Variants in PTPRD observed in about 807,000 individuals in gnomAD.
The protein encoded by PTPRD is protein tyrosine phosphatase receptor type D, also known as receptor-type tyrosine-protein phosphatase delta.
PTPRD carries 34 observed loss-of-function variants against 214.5 expected under a neutral mutation model. That is an observed-to-expected ratio of 0.16 (90% confidence interval 0.12 to 0.21). The LOEUF (loss-of-function observed/expected upper bound fraction) is 0.21, where lower values mean the gene tolerates loss of function less well. PTPRD is among the 10% of genes least tolerant of loss of function. The probability of loss-of-function intolerance (pLI) is 1.00; values close to 1 mark genes in which losing one functional copy is unlikely to be tolerated. For missense variants in PTPRD, 2,545 were observed against 2,398.7 expected (o/e 1.06, Z -1.27); for synonymous variants, 1,128 against 845.7 (o/e 1.33, Z -5.79).
intron 7 of PTPRD, among the ~76,000 whole-genome samples, chr9:9,707,944 C>A (rs1451239796): frequency 6.6e-6 from 1 of 151,870 alleles, no homozygotes; most frequent in African/African-American, 2.4e-5. Flanking sequence ...TAGACATATA[C>A]CTAGCAGTAA....
At chr9:8,530,721 G>T (rs2075468872) in intron 14 of PTPRD, among the ~76,000 whole-genome samples, 1 of 152,046 alleles carries the variant, frequency 6.6e-6, no homozygotes. Context: ...TGGTAGAGAG[G>T]CAACCAGTTA....
chr9:9,538,835 T>C (rs925218338), intron 8 of PTPRD, among the ~76,000 whole-genome samples: 6 of 151,922 alleles, frequency 3.9e-5, no homozygotes, highest in African/African-American at 1.2e-4. Context: ...TTCAAATTCA[T>C]ACTTTTGTTT....
intron 8 of PTPRD, among the ~76,000 whole-genome samples, chr9:9,399,720 T>C (rs906900571): frequency 3.3e-5 from 5 of 151,572 alleles, no homozygotes; most frequent in Non-Finnish European, 7.4e-5. Context: ...TAAAGGGGAG[T>C]TCCCCTGCAC....
At chr9:9,517,598 T>A (rs1229362168) in intron 8 of PTPRD, among the ~76,000 whole-genome samples, 1 of 152,104 alleles carries the variant, frequency 6.6e-6, no homozygotes, top group Non-Finnish European at 1.5e-5. Context: ...AACACTGGCA[T>A]GTGGCTTGAG....
chr9:10,467,015 C>A (rs912600984), intron 2 of PTPRD, among the ~76,000 whole-genome samples: 5 of 152,122 alleles, frequency 3.3e-5, no homozygotes, highest in African/African-American at 1.2e-4. Context: ...CCCCGGGAAC[C>A]ACATAGATGA....
chr9:8,625,334 A>G lies in PTPRD; in HGVS notation c.352+7983T>C, dbSNP rs75106454. Among the ~76,000 whole-genome samples, 1,213 of 151,964 alleles carry G rather than the reference A, an allele frequency of 8.0e-3. 22 individuals carry two copies. Among genetic ancestry groups the G allele is most frequent in the African/African-American group, 0.026 (1,073 of 41,500 alleles). On this transcript the variant is annotated intron_variant, in intron 14 of 45. Coordinates refer to ENST00000381196, the MANE Select transcript of PTPRD (RefSeq NM_002839.4). Reference sequence around the variant, plus strand: ...TTTTATGAGCACATACTTTTCTACTATACTTAATTTTCTAGTTGACCAGTA... The same window carrying G: ...TTTTATGAGCACATACTTTTCTACTGTACTTAATTTTCTAGTTGACCAGTA...
At chr9:9,327,611 T>A (rs1284806518) in intron 9 of PTPRD, among the ~76,000 whole-genome samples, 1 of 152,160 alleles carries the variant, frequency 6.6e-6, no homozygotes, top group Non-Finnish European at 1.5e-5. Context: ...ATTTTGTTTC[T>A]ATTGCAAGAG....
chr9:8,939,677 T>TAG (rs2099019397), intron 11 of PTPRD, among the ~76,000 whole-genome samples: 2 of 152,172 alleles, frequency 1.3e-5, no homozygotes, highest in Non-Finnish European at 2.9e-5. Context: ...TCTTTAACTA[T>TAG]TTCTTTCCTT....
At chr9:9,409,437 T>A (rs2074629572) in intron 8 of PTPRD, among the ~76,000 whole-genome samples, 1 of 152,008 alleles carries the variant, frequency 6.6e-6, no homozygotes, top group African/African-American at 2.4e-5. Flanking sequence ...GACATGGAAA[T>A]CATTTACCAC....
Position 8,470,877 on chromosome 9 carries a change from G to C in PTPRD, c.3504+118C>G, listed in dbSNP as rs924558940. 1.8e-5 allele frequency: 15 copies of C among 823,470 alleles called. No individual in the cohort carries two copies. Among genetic ancestry groups the C allele is most frequent in the African/African-American group, 3.4e-5 (2 of 59,194 alleles). 51.0% of individuals were successfully genotyped at this position (823,470 alleles called of 1,614,324 possible). A position where few individuals can be genotyped will look rare whatever the true frequency, so the allele number is the denominator to read the frequency against. ...CCCATAGCACTGAACCATCCAACCA[G>C]CTAGGTATGGAGAAGCCAGCACCCA... On this transcript the variant is annotated intron_variant, in intron 31 of 45. Transcript: ENST00000381196.
At chr9:8,520,433 T>C (rs771342914) in intron 20 of PTPRD, among the ~76,000 whole-genome samples, 7 of 152,122 alleles carry the variant, frequency 4.6e-5, no homozygotes, top group African/African-American at 9.7e-5. Flanking sequence ...TTTTCAAGAG[T>C]AGCAAACTTG....
intron 5 of PTPRD, among the ~76,000 whole-genome samples, chr9:9,795,025 G>A (rs2098993148): frequency 6.6e-6 from 1 of 152,196 alleles, no homozygotes; most frequent in South Asian, 2.1e-4. Context: ...GAGCTTCAAT[G>A]TGCTCACTGG....
At chr9:10,505,526 G>T (rs1441983561) in intron 2 of PTPRD, among the ~76,000 whole-genome samples, 2 of 152,092 alleles carry the variant, frequency 1.3e-5, no homozygotes, top group African/African-American at 4.8e-5. Flanking sequence ...AGAAACAACT[G>T]AAAGATATAC....
At chr9:8,634,788 T>G (rs2096375564) in intron 13 of PTPRD, among the ~76,000 whole-genome samples, 1 of 151,936 alleles carries the variant, frequency 6.6e-6, no homozygotes, top group South Asian at 2.1e-4. Flanking sequence ...TGTTGACTAA[T>G]TTATTAATAA....
intron 39 of PTPRD, among the ~76,000 whole-genome samples, chr9:8,356,695 A>C (rs1447325107): frequency 6.6e-6 from 1 of 152,156 alleles, no homozygotes; most frequent in Non-Finnish European, 1.5e-5. Context: ...GTTTGTTCTG[A>C]TAGAACTTAA....
At chr9:10,327,879 A>G (rs1012187802) in intron 3 of PTPRD, among the ~76,000 whole-genome samples, 1 of 151,766 alleles carries the variant, frequency 6.6e-6, no homozygotes, top group African/African-American at 2.4e-5. Context: ...ACCCAGGTCT[A>G]TTCTTTGATA....
At chr9:9,797,707 C>T (rs1008515032) in intron 5 of PTPRD, among the ~76,000 whole-genome samples, 1 of 151,572 alleles carries the variant, frequency 6.6e-6, no homozygotes, top group African/African-American at 2.4e-5. Context: ...CTAGCCAGGA[C>T]TTGTGGCAGG....
At chr9:9,928,779 C>A (rs528874379) in intron 5 of PTPRD, among the ~76,000 whole-genome samples, 32 of 151,944 alleles carry the variant, frequency 2.1e-4, no homozygotes, top group Admixed American at 1.1e-3. Flanking sequence ...CACACACACA[C>A]ACACACACAA....
intron 9 of PTPRD, among the ~76,000 whole-genome samples, chr9:9,330,294 T>TA (rs1214472195): frequency 2.6e-5 from 4 of 151,848 alleles, no homozygotes; most frequent in African/African-American, 7.3e-5. Context: ...GACTTTCCTT[T>TA]AAAAAAAAGT....
Sources: gnomAD v4.1 joint callset for allele counts (sites outside exome capture counted in the v4.1 genomes callset) on GRCh38, gnomAD v4.1.1 for gene constraint, MANE v1.5 for transcripts, NCBI Gene and HGNC (gene_info 2026-07-23, HGNC 2026-07-21) for gene names.